Variants in UQCC1 observed in about 807,000 individuals in gnomAD.
UQCC1 encodes the protein ubiquinol-cytochrome c reductase complex assembly factor 1.
UQCC1 carries 38 observed loss-of-function variants against 48.0 expected under a neutral mutation model. That is an observed-to-expected ratio of 0.79 (90% CI 0.61 to 1.04). The LOEUF (loss-of-function observed/expected upper bound fraction) is 1.04, where lower values mean the gene tolerates loss of function less well. Among genes scored for constraint, UQCC1 ranks in the 50% least tolerant of loss-of-function variants. The probability of loss-of-function intolerance (pLI) is 0.00; values close to 1 mark genes in which losing one functional copy is unlikely to be tolerated. For missense variants in UQCC1, 368 were observed against 381.8 expected (o/e 0.96, Z 0.30); for synonymous variants, 111 against 129.2 (o/e 0.86, Z 0.95).
intron 1 of UQCC1, among the ~76,000 whole-genome samples, chr20:35,411,365 T>C (rs2062361023): frequency 6.6e-6 from 1 of 151,966 alleles, no homozygotes; most frequent in African/African-American, 2.4e-5. Flanking sequence ...GACACCATGC[T>C]AGGCAAAGTG....
At chr20:35,362,904 C>T (rs1294511079) in intron 6 of UQCC1, among the ~76,000 whole-genome samples, 1 of 151,904 alleles carries the variant, frequency 6.6e-6, no homozygotes, top group Non-Finnish European at 1.5e-5. Context: ...TAGAAAATAT[C>T]AGGGGTTCCC....
At chr20:35,406,603 C>T (rs1450161897) in intron 1 of UQCC1, among the ~76,000 whole-genome samples, 1 of 152,122 alleles carries the variant, frequency 6.6e-6, no homozygotes, top group African/African-American at 2.4e-5. Context: ...ATAAGGCAGA[C>T]CTTCAGGTTG....
chr20:35,407,489 T>C (rs80230882), intron 1 of UQCC1, among the ~76,000 whole-genome samples: 2,256 of 151,962 alleles, frequency 0.015, 51 homozygotes, highest in African/African-American at 0.05. Flanking sequence ...AATTTAAAAC[T>C]TTTGTGTATC....
chr20:35,383,250 T>C (rs2061898313), intron 3 of UQCC1, among the ~76,000 whole-genome samples: 2 of 152,154 alleles, frequency 1.3e-5, no homozygotes, highest in Non-Finnish European at 2.9e-5. Context: ...ATGTTAACCC[T>C]CTCCAAGCAA....
chr20:35,320,751 C>T (rs2032408423), intron 7 of UQCC1, among the ~76,000 whole-genome samples: 1 of 152,188 alleles, frequency 6.6e-6, no homozygotes, highest in Non-Finnish European at 1.5e-5. Flanking sequence ...GTATGGAAAA[C>T]ACTGATGAGC....
rs145020309 is a variant in UQCC1, at chr20:35,337,659, C to T, written c.573+9505G>A. On this transcript the variant is annotated intron_variant, in intron 7 of 9. Transcript: ENST00000374385. ...ACTCAAGTAATAAACACTGCTGTAC[C>T]ATGCTGAAATAGCCTTAAAACTAAG... Among the ~76,000 whole-genome samples the T allele has an allele frequency of 1.9e-4, 29 of 152,284 alleles. No individual in the cohort carries two copies. In the East Asian group the frequency reaches 5.2e-3, roughly 27 times the overall value.
intron 9 of UQCC1, among the ~76,000 whole-genome samples, chr20:35,305,284 TC>T (rs1249540221): frequency 6.6e-6 from 1 of 152,140 alleles, no homozygotes; most frequent in African/African-American, 2.4e-5. Flanking sequence ...CCACCAAAGC[TC>T]CCTGCTTTCC....
At chr20:35,386,311 G>A (rs890564162) in intron 2 of UQCC1, 1 of 455,740 alleles carries the variant, frequency 2.2e-6, no homozygotes, top group Non-Finnish European at 4.4e-6. Flanking sequence ...GGAGCAGGAA[G>A]AGGGCTGACT....
At chr20:35,357,827 G>A (rs1044683042) in intron 6 of UQCC1, among the ~76,000 whole-genome samples, 1 of 152,106 alleles carries the variant, frequency 6.6e-6, no homozygotes, top group Admixed American at 6.6e-5. Context: ...CAATAACGTT[G>A]AGTCATTAAG....
intron 2 of UQCC1, 123 bp from the exon 3 acceptor site, chr20:35,384,256 C>G: frequency 1.3e-6 from 1 of 745,322 alleles, no homozygotes; most frequent in Non-Finnish European, 2.2e-6. Flanking sequence ...TCCCCGTGAT[C>G]AGCTCACCAG....
At chr20:35,335,549 T>C (rs915928552) in intron 7 of UQCC1, among the ~76,000 whole-genome samples, 2 of 152,208 alleles carry the variant, frequency 1.3e-5, no homozygotes, top group African/African-American at 4.8e-5. Context: ...AACATTCTGC[T>C]AAGTGAAAGA....
At chr20:35,338,872 A>ATATATAT (rs1568666036) in intron 7 of UQCC1, among the ~76,000 whole-genome samples, 9 of 57,642 alleles carry the variant, frequency 1.6e-4, no homozygotes, top group Non-Finnish European at 2.6e-4. Flanking sequence ...AAAAAAAAAA[A>ATATATAT]AAAAAAAAAA....
intron 6 of UQCC1, among the ~76,000 whole-genome samples, chr20:35,357,587 G>A (rs908647871): frequency 1.9e-4 from 29 of 149,774 alleles, no homozygotes; most frequent in African/African-American, 6.1e-4. Flanking sequence ...CAGGAGAATC[G>A]CTTGAGCCCC....
At chr20:35,394,359 A>T (rs1384300887) in intron 1 of UQCC1, among the ~76,000 whole-genome samples, 163 bp from the exon 2 acceptor site, 1 of 152,050 alleles carries the variant, frequency 6.6e-6, no homozygotes, top group Non-Finnish European at 1.5e-5. Context: ...TTTCTGAGTG[A>T]GGGGGGTGTC....
chr20:35,390,465 G>A (rs899135295), intron 2 of UQCC1, among the ~76,000 whole-genome samples: 5 of 151,624 alleles, frequency 3.3e-5, no homozygotes, highest in Non-Finnish European at 5.9e-5. Context: ...TAGAAAAGCA[G>A]GGTGGGGAGA....
At chr20:35,371,690 G>A (rs2061732546) in intron 5 of UQCC1, among the ~76,000 whole-genome samples, 1 of 131,512 alleles carries the variant, frequency 7.6e-6, no homozygotes, top group Non-Finnish European at 1.6e-5. Context: ...ATTCAAGAAG[G>A]CACTTAAAGA....
rs897742873 is a variant in UQCC1 at position 35,394,705 on chromosome 20, C to T, written c.25-509G>A. On this transcript the variant is annotated intron_variant, in intron 1 of 9. Transcript: ENST00000374385. ...TACCAAATGTGCAGGGGCAAGGGGT[C>T]TCCATACCAAGCAATTCTCTAGTTC... Among the ~76,000 whole-genome samples the T allele has an allele frequency of 2.0e-5, 3 of 152,196 alleles. 1 individual carries two copies. In the South Asian group the frequency reaches 6.2e-4, roughly 32 times the overall value.
chr20:35,368,468 T>A (rs754861438), intron 5 of UQCC1, among the ~76,000 whole-genome samples: 5 of 152,134 alleles, frequency 3.3e-5, no homozygotes, highest in African/African-American at 7.2e-5. Context: ...GAGATCAAAT[T>A]CAGATCTACT....
At chr20:35,335,651 G>T (rs2061307644) in intron 7 of UQCC1, among the ~76,000 whole-genome samples, 2 of 152,140 alleles carry the variant, frequency 1.3e-5, no homozygotes, top group African/African-American at 4.8e-5. Flanking sequence ...TAGAATAGTG[G>T]TTTCCAGGGG....
Sources: gnomAD v4.1 joint callset for allele counts (sites outside exome capture counted in the v4.1 genomes callset) on GRCh38, gnomAD v4.1.1 for gene constraint, MANE v1.5 for transcripts, NCBI Gene and HGNC (gene_info 2026-07-23, HGNC 2026-07-21) for gene names.